The following UBXN2A variants were observed in gnomAD, a reference collection of about 807,000 sequenced individuals.
UBXN2A encodes UBX domain protein 2A, also known as UBX domain-containing protein 2A.
A neutral mutation model predicts 28.4 loss-of-function variants in UBXN2A; 28 were observed. The ratio of observed to expected loss-of-function variants is 0.99; its 90% CI spans 0.73 to 1.35. The LOEUF (loss-of-function observed/expected upper bound fraction) is 1.35, where lower values mean the gene tolerates loss of function less well. Ranked by LOEUF, UBXN2A falls within the 40% of genes most tolerant of loss-of-function variation. The pLI, the probability that UBXN2A is intolerant of heterozygous loss-of-function variation, is 0.00. For missense variants in UBXN2A, 253 were observed against 297.9 expected (o/e 0.85, Z 1.11); for synonymous variants, 97 against 103.6 (o/e 0.94, Z 0.39).
At chr2:23,936,273 C>T (rs927516343), upstream of UBXN2A, among the ~76,000 whole-genome samples, 4 of 151,818 alleles carry the variant, frequency 2.6e-5, no homozygotes, top group South Asian at 4.1e-4. Context: ...CAACCATAAA[C>T]GGGAATGATA....
intron 1 of UBXN2A, among the ~76,000 whole-genome samples, chr2:23,942,650 C>T (rs933910425): frequency 6.6e-6 from 1 of 151,896 alleles, no homozygotes; most frequent in Non-Finnish European, 1.5e-5. Context: ...AAATCCTGAC[C>T]TCTGGTGATC....
chr2:23,980,447 C>G (rs974573924), intron 4 of UBXN2A, among the ~76,000 whole-genome samples: 2 of 152,074 alleles, frequency 1.3e-5, no homozygotes, highest in Non-Finnish European at 2.9e-5. Flanking sequence ...AACACATTAG[C>G]TTCTGTTTTT....
At chr2:23,977,860 C>G (rs906013137) in intron 4 of UBXN2A, among the ~76,000 whole-genome samples, 1 of 151,880 alleles carries the variant, frequency 6.6e-6, no homozygotes, top group African/African-American at 2.4e-5. Flanking sequence ...GAGATGGAGT[C>G]TTGCTCTTTT....
At chr2:23,984,540 C>A in intron 5 of UBXN2A, 133 bp from the exon 6 acceptor site, 2 of 688,650 alleles carry the variant, frequency 2.9e-6, no homozygotes, top group Non-Finnish European at 4.1e-6. Flanking sequence ...TCTGTTATTA[C>A]TGAAGAAACA....
At chr2:23,933,360 G>C (rs1319982726) in intron 1 of UBXN2A, among the ~76,000 whole-genome samples, 2 of 152,152 alleles carry the variant, frequency 1.3e-5, no homozygotes, top group African/African-American at 2.4e-5. Context: ...TACAAAATTA[G>C]CTGGGCCTGG....
At chr2:23,947,985 G>T (rs528568129) in intron 1 of UBXN2A, among the ~76,000 whole-genome samples, 17 of 151,948 alleles carry the variant, frequency 1.1e-4, no homozygotes, top group African/African-American at 3.6e-4. Flanking sequence ...CTCCCAAGTA[G>T]CTGAGATTAC....
chr2:23,997,249 T>A (rs984499028), intron 6 of UBXN2A, among the ~76,000 whole-genome samples: 4 of 152,158 alleles, frequency 2.6e-5, no homozygotes, highest in Non-Finnish European at 5.9e-5. Flanking sequence ...TTTGTTCATT[T>A]TTATTAGTCT....
At chr2:23,986,218 G>A (rs1473583369) in intron 6 of UBXN2A, among the ~76,000 whole-genome samples, 2 of 152,084 alleles carry the variant, frequency 1.3e-5, no homozygotes, top group Non-Finnish European at 2.9e-5. Context: ...GCTGAGGCAG[G>A]AGAATGGCGT....
chr2:23,972,427 G>C (rs1707457967), intron 3 of UBXN2A, among the ~76,000 whole-genome samples: 1 of 152,148 alleles, frequency 6.6e-6, no homozygotes, highest in African/African-American at 2.4e-5. Context: ...AAGCATTTCA[G>C]ATAAGGGATA....
At chr2:23,949,632 TG>T (rs1706265382) in intron 1 of UBXN2A, among the ~76,000 whole-genome samples, 1 of 152,066 alleles carries the variant, frequency 6.6e-6, no homozygotes, top group African/African-American at 2.4e-5. Context: ...TCTAGCACTT[TG>T]GGAGGCCAAG....
At chr2:23,936,263 C>T (rs917517923), upstream of UBXN2A, among the ~76,000 whole-genome samples, 4 of 152,070 alleles carry the variant, frequency 2.6e-5, no homozygotes, top group African/African-American at 9.7e-5. Flanking sequence ...GAATCTTATT[C>T]AACCATAAAC....
At chr2:23,944,575 C>T (rs79835156) in intron 1 of UBXN2A, among the ~76,000 whole-genome samples, 9,801 of 152,096 alleles carry the variant, frequency 0.064, 408 homozygotes, top group African/African-American at 0.12. Flanking sequence ...AAAAACTCCC[C>T]TTTTTTTGCC....
chr2:23,970,310 AAC>A (rs1707360628), intron 2 of UBXN2A, among the ~76,000 whole-genome samples: 1 of 152,126 alleles, frequency 6.6e-6, no homozygotes, highest in South Asian at 2.1e-4. Flanking sequence ...ACAGAACAAA[AAC>A]ACCACACATT....
At chr2:23,935,366 C>T (rs562591380) in intron 1 of UBXN2A, among the ~76,000 whole-genome samples, 4 of 151,756 alleles carry the variant, frequency 2.6e-5, no homozygotes, top group East Asian at 1.9e-4. Context: ...TTTTTTAAAA[C>T]GCAAAAACTC....
intron 1 of UBXN2A, among the ~76,000 whole-genome samples, chr2:23,956,125 A>C (rs1242353069): frequency 6.6e-6 from 1 of 151,916 alleles, no homozygotes; most frequent in Admixed American, 6.6e-5. Context: ...CGGCCTCCCA[A>C]AGTGCTGGGA....
chr2:23,935,086 C>G (rs1705484979), intron 1 of UBXN2A, among the ~76,000 whole-genome samples: 1 of 151,688 alleles, frequency 6.6e-6, no homozygotes, highest in South Asian at 2.1e-4. Context: ...AAAAAACAAG[C>G]AAAAAAATGG....
chr2:23,990,910 C>T (rs575311369), intron 6 of UBXN2A, among the ~76,000 whole-genome samples: 1 of 152,220 alleles, frequency 6.6e-6, no homozygotes, highest in Admixed American at 6.5e-5. Context: ...TAAAACTGTC[C>T]TTAAAAGCTA....
chr2:23,930,657 A>G (rs1480245626), intron 1 of UBXN2A, among the ~76,000 whole-genome samples: 1 of 152,080 alleles, frequency 6.6e-6, no homozygotes, highest in Admixed American at 6.6e-5. Context: ...TCAGGCATTC[A>G]AGACCAGCCT....
chr2:23,978,120 G>C (rs556513353), intron 4 of UBXN2A, among the ~76,000 whole-genome samples: 1 of 151,968 alleles, frequency 6.6e-6, no homozygotes, highest in African/African-American at 2.4e-5. Context: ...GAGCCACCAC[G>C]CCTGGCCAAC....
Sources: allele counts gnomAD v4.1 joint callset (sites outside exome capture counted in the v4.1 genomes callset), GRCh38; gene constraint gnomAD v4.1.1; transcripts MANE v1.5; gene names NCBI Gene and HGNC (gene_info 2026-07-23, HGNC 2026-07-21).